The following SGCZ variants were observed in gnomAD, a reference collection of about 807,000 sequenced individuals.
The protein encoded by SGCZ is sarcoglycan zeta, also known as zeta-sarcoglycan.
A neutral mutation model predicts 41.3 loss-of-function variants in SGCZ; 40 were observed. That is an observed-to-expected ratio of 0.97 (90% CI 0.75 to 1.26). The LOEUF (loss-of-function observed/expected upper bound fraction) is 1.26, where lower values mean the gene tolerates loss of function less well. SGCZ is among the 50% of genes most tolerant of loss of function. The pLI, the probability that SGCZ is intolerant of heterozygous loss-of-function variation, is 0.00. For missense variants in SGCZ, 552 were observed against 369.8 expected, an observed-to-expected ratio of 1.49 and a Z score of -4.04; for synonymous variants, 206 against 137.5, an observed-to-expected ratio of 1.50 and a Z score of -3.49.
intron 1 of SGCZ, among the ~76,000 whole-genome samples, chr8:14,864,775 T>G (rs1803868490): frequency 6.6e-6 from 1 of 152,120 alleles, no homozygotes; most frequent in African/African-American, 2.4e-5. Context: ...GGTAACTAAT[T>G]TGTATTCCCA....
At chr8:14,147,655 C>T (rs1377410450) in intron 5 of SGCZ, among the ~76,000 whole-genome samples, 1 of 152,024 alleles carries the variant, frequency 6.6e-6, no homozygotes, top group Admixed American at 6.5e-5. Context: ...GACCTATCCT[C>T]GAGACAGAAA....
chr8:14,711,354 C>A (rs768448510), intron 1 of SGCZ, among the ~76,000 whole-genome samples: 1 of 150,210 alleles, frequency 6.7e-6, no homozygotes, highest in Admixed American at 6.7e-5. Context: ...CTTTGGGAGG[C>A]TGAGGCTGGC....
chr8:14,460,612 T>C (rs761125484), intron 2 of SGCZ, among the ~76,000 whole-genome samples: 12 of 152,100 alleles, frequency 7.9e-5, no homozygotes, highest in Non-Finnish European at 1.5e-4. Flanking sequence ...TAAAGACCAA[T>C]TGAGTAATCA....
chr8:14,534,331 T>A (rs1017077700), intron 2 of SGCZ, among the ~76,000 whole-genome samples: 2 of 143,462 alleles, frequency 1.4e-5, no homozygotes, highest in African/African-American at 4.9e-5. Context: ...TTTCTAGAGC[T>A]CTTTCTGTCT....
chr8:14,280,783 G>A (rs1800400426), intron 3 of SGCZ, among the ~76,000 whole-genome samples: 1 of 127,238 alleles, frequency 7.9e-6, no homozygotes, highest in East Asian at 2.4e-4. Context: ...CCTTTCTTCA[G>A]TGCTTTTAAA....
intron 4 of SGCZ, among the ~76,000 whole-genome samples, chr8:14,201,033 A>G (rs1805438258): frequency 1.3e-5 from 2 of 152,168 alleles, no homozygotes; most frequent in Admixed American, 6.5e-5. Flanking sequence ...AAAAACACAA[A>G]AAGATGCTCA....
chr8:14,921,886 G>A (rs983306763), intron 1 of SGCZ, among the ~76,000 whole-genome samples: 1 of 152,080 alleles, frequency 6.6e-6, no homozygotes, highest in African/African-American at 2.4e-5. Flanking sequence ...AAAGTGAAAT[G>A]GTGTTAAGCA....
At chr8:14,387,709 C>T (rs2117208548) in intron 2 of SGCZ, among the ~76,000 whole-genome samples, 1 of 151,906 alleles carries the variant, frequency 6.6e-6, no homozygotes, top group African/African-American at 2.4e-5. Context: ...ACAAAAAGTA[C>T]ATTAATCAAT....
intron 1 of SGCZ, among the ~76,000 whole-genome samples, chr8:14,694,577 C>T (rs1003172081): frequency 7.9e-5 from 12 of 152,116 alleles, no homozygotes; most frequent in African/African-American, 2.9e-4. Context: ...CTAAATAGAG[C>T]CTGCTCTGAT....
chr8:15,075,105 T>A (rs1249299631), intron 1 of SGCZ, among the ~76,000 whole-genome samples: 18 of 151,442 alleles, frequency 1.2e-4, no homozygotes, highest in Non-Finnish European at 1.5e-5. Context: ...TGAAATTAAA[T>A]TTCACAGTAG....
At chr8:14,839,854 C>G (rs1428913489) in intron 1 of SGCZ, among the ~76,000 whole-genome samples, 5 of 151,936 alleles carry the variant, frequency 3.3e-5, no homozygotes, top group Non-Finnish European at 2.9e-5. Context: ...TTTCATTGAC[C>G]CACTTGACAA....
At chr8:14,229,060 A>C (rs1806471615) in intron 4 of SGCZ, among the ~76,000 whole-genome samples, 1 of 152,118 alleles carries the variant, frequency 6.6e-6, no homozygotes, top group African/African-American at 2.4e-5. Context: ...CAAGCCAGCA[A>C]AGGTTGAAGA....
chr8:14,597,369 T>C (rs2117302195), intron 1 of SGCZ, among the ~76,000 whole-genome samples: 1 of 152,348 alleles, frequency 6.6e-6, no homozygotes, highest in Admixed American at 6.5e-5. Flanking sequence ...TTCAGTGCTT[T>C]CAATAGTAAT....
At chr8:15,060,387 G>C (rs1051763356) in intron 1 of SGCZ, among the ~76,000 whole-genome samples, 15 of 151,934 alleles carry the variant, frequency 9.9e-5, no homozygotes, top group African/African-American at 3.4e-4. Context: ...GATGAAGCTG[G>C]AAACCATCAT....
At chr8:14,676,346 A>ATGTGTGTGTGTGTGTGTCTG (rs1554478520) in intron 1 of SGCZ, among the ~76,000 whole-genome samples, 1 of 149,310 alleles carries the variant, frequency 6.7e-6, no homozygotes, top group Non-Finnish European at 1.5e-5. Flanking sequence ...AATGAAATAG[A>ATGTGTGTGTGTGTGTGTCTG]TGTGTGTGTG....
chr8:14,917,311 A>G (rs1157324284), intron 1 of SGCZ, among the ~76,000 whole-genome samples: 1 of 27,826 alleles, frequency 3.6e-5, no homozygotes, highest in African/African-American at 3.7e-4. Context: ...TATTTAAGCA[A>G]GAGATTTTTT....
At chr8:14,695,620 T>C (rs1808933821) in intron 1 of SGCZ, among the ~76,000 whole-genome samples, 1 of 152,054 alleles carries the variant, frequency 6.6e-6, no homozygotes, top group South Asian at 2.1e-4. Context: ...AGTTTGATTA[T>C]AGTTAAAAGC....
At chr8:14,729,576 G>T (rs1810165012) in intron 1 of SGCZ, among the ~76,000 whole-genome samples, 1 of 152,130 alleles carries the variant, frequency 6.6e-6, no homozygotes, top group South Asian at 2.1e-4. Flanking sequence ...CCACCTACTA[G>T]TCAGTAGAGA....
At chr8:14,543,351 G>T (rs1803527694) in intron 2 of SGCZ, among the ~76,000 whole-genome samples, 1 of 151,932 alleles carries the variant, frequency 6.6e-6, no homozygotes, top group Admixed American at 6.6e-5. Context: ...TATTAATTAT[G>T]GTCTGGACAT....
Sources: allele counts gnomAD v4.1 joint callset (sites outside exome capture counted in the v4.1 genomes callset), GRCh38; gene constraint gnomAD v4.1.1; transcripts MANE v1.5; gene names NCBI Gene and HGNC (gene_info 2026-07-23, HGNC 2026-07-21).